The following CSMD1 variants were observed in gnomAD, a reference collection of about 807,000 sequenced individuals.
CSMD1 encodes CUB and Sushi multiple domains 1.
Under a neutral mutation model 417.5 loss-of-function variants are expected in CSMD1, and 213 were observed. That is an observed-to-expected ratio of 0.51 (90% CI 0.46 to 0.57). The LOEUF (loss-of-function observed/expected upper bound fraction) is 0.57. Ranked by LOEUF, CSMD1 falls within the 20% of genes least tolerant of loss-of-function variation. The probability of loss-of-function intolerance (pLI) is 0.00; values close to 1 mark genes in which losing one functional copy is unlikely to be tolerated. For synonymous variants in CSMD1, 2,862 were observed against 1,736.8 expected (o/e 1.65, Z -16.11); for missense variants, 6,923 against 4,529.7 (o/e 1.53, Z -15.17).
chr8:3,418,633 A>T (rs954091777), intron 12 of CSMD1, among the ~76,000 whole-genome samples: 1 of 152,160 alleles, frequency 6.6e-6, no homozygotes, highest in African/African-American at 2.4e-5. Context: ...TCTGTCTGCC[A>T]TAACCTGCAA....
chr8:4,492,747 C>A (rs951373549), intron 2 of CSMD1, among the ~76,000 whole-genome samples: 1 of 152,096 alleles, frequency 6.6e-6, no homozygotes, highest in Admixed American at 6.6e-5. Context: ...CAGGTAACAC[C>A]CAAGCAACTC....
intron 42 of CSMD1, among the ~76,000 whole-genome samples, chr8:3,111,787 G>C (rs1183037155): frequency 6.6e-6 from 1 of 152,026 alleles, no homozygotes; most frequent in Non-Finnish European, 1.5e-5. Context: ...AGCCGAGATT[G>C]TGCCATTGCA....
At chr8:3,754,723 T>C (rs997231753) in intron 5 of CSMD1, among the ~76,000 whole-genome samples, 19 of 152,138 alleles carry the variant, frequency 1.2e-4, no homozygotes, top group African/African-American at 4.6e-4. Context: ...CCAAAGTGCT[T>C]GGATTACAAG....
intron 69 of CSMD1, 76 bp from the exon 70 acceptor site, chr8:2,938,820 GACA>G: frequency 7.5e-7 from 1 of 1,339,072 alleles, no homozygotes; most frequent in Non-Finnish European, 1.0e-6. Flanking sequence ...GTGTGCAGGA[GACA>G]ACGTCTACAG....
At chr8:4,939,930 G>C (rs1343638936) in intron 1 of CSMD1, among the ~76,000 whole-genome samples, 2 of 152,020 alleles carry the variant, frequency 1.3e-5, no homozygotes, top group Non-Finnish European at 2.9e-5. Flanking sequence ...ATTTTGATTT[G>C]TCAATTAAAA....
intron 5 of CSMD1, among the ~76,000 whole-genome samples, chr8:3,891,637 C>G (rs148475833): frequency 1.5e-4 from 23 of 151,846 alleles, no homozygotes; most frequent in Non-Finnish European, 3.1e-4. Context: ...GAGCTGTGAT[C>G]ACACCACTGC....
intron 5 of CSMD1, among the ~76,000 whole-genome samples, chr8:3,937,439 T>C (rs989424130): frequency 1.3e-5 from 2 of 152,182 alleles, no homozygotes; most frequent in Non-Finnish European, 2.9e-5. Context: ...ACTACCACCC[T>C]GATCACTGAT....
intron 3 of CSMD1, among the ~76,000 whole-genome samples, chr8:4,113,948 C>T (rs1323630207): frequency 6.6e-6 from 1 of 152,180 alleles, no homozygotes; most frequent in Non-Finnish European, 1.5e-5. Context: ...AGAAAAGAAG[C>T]CATCTCCATA....
At chr8:4,830,605 T>A (rs558037252) in intron 1 of CSMD1, among the ~76,000 whole-genome samples, 8 of 152,310 alleles carry the variant, frequency 5.3e-5, no homozygotes, top group Admixed American at 2.6e-4. Context: ...CATAGATACA[T>A]AGAACAAACT....
chr8:4,780,051 C>T (rs1585086381), intron 1 of CSMD1, among the ~76,000 whole-genome samples: 1 of 152,158 alleles, frequency 6.6e-6, no homozygotes, highest in Non-Finnish European at 1.5e-5. Flanking sequence ...TTCTGAGACC[C>T]TCATGGGGCA....
intron 5 of CSMD1, among the ~76,000 whole-genome samples, chr8:3,965,222 G>T (rs981300613): frequency 4.6e-5 from 7 of 152,216 alleles, no homozygotes; most frequent in African/African-American, 1.4e-4. Flanking sequence ...GGCTGAACTT[G>T]AACAGAGACG....
intron 3 of CSMD1, among the ~76,000 whole-genome samples, chr8:4,073,002 T>C (rs1475435562): frequency 6.6e-6 from 1 of 152,198 alleles, no homozygotes; most frequent in Non-Finnish European, 1.5e-5. Flanking sequence ...CAATATACTC[T>C]ATATGTAAGG....
intron 1 of CSMD1, among the ~76,000 whole-genome samples, chr8:4,851,396 TTTTG>T (rs1171971269): frequency 6.6e-6 from 1 of 152,080 alleles, no homozygotes; most frequent in Non-Finnish European, 1.5e-5. Flanking sequence ...GCTTTTCCTT[TTTTG>T]TTTTTTTCCT....
At chr8:3,355,222 G>A (rs544450425) in intron 21 of CSMD1, among the ~76,000 whole-genome samples, 9 of 151,556 alleles carry the variant, frequency 5.9e-5, no homozygotes, top group South Asian at 2.1e-4. Flanking sequence ...TACTAGATAC[G>A]GATTTAAGGC....
At chr8:3,284,047 G>C (rs372923249) in intron 26 of CSMD1, 97 bp downstream of exon 26, 2 of 1,017,346 alleles carry the variant, frequency 2.0e-6, no homozygotes, top group Non-Finnish European at 3.0e-6. Context: ...AATTGCATCT[G>C]TGTAAGGAGA....
intron 5 of CSMD1, among the ~76,000 whole-genome samples, chr8:3,838,970 T>C (rs1475107342): frequency 1.0e-5 from 1 of 98,688 alleles, no homozygotes; most frequent in South Asian, 2.8e-4. Context: ...ATTAATATTA[T>C]ATATAATATA....
At chr8:3,762,724 G>T (rs759291505) in intron 5 of CSMD1, among the ~76,000 whole-genome samples, 3 of 152,222 alleles carry the variant, frequency 2.0e-5, no homozygotes, top group Admixed American at 6.5e-5. Flanking sequence ...AAGATGGTCG[G>T]GGGGAGCCAG....
rs1027994508 is a variant in CSMD1, at chr8:3,929,991, A to C, written c.818+67912T>G. On this transcript the variant is annotated intron_variant, in intron 5 of 69. Coordinates refer to ENST00000635120, the MANE Select transcript of CSMD1 (RefSeq NM_033225.6). ...CTATATGATTAAATTTTTAAAAACT[A>C]TTTTATTGTTAATGCAAGGTTTTCT... Among the ~76,000 whole-genome samples the C allele has an allele frequency of 1.9e-4, 29 of 150,312 alleles. 1 individual carries two copies. The highest frequency in any genetic ancestry group is 2.8e-4 in the Non-Finnish European group (19 of 67,506).
rs1043920489 is a variant in CSMD1, at chr8:4,875,485, T to C, written c.85+118847A>G. On this transcript the variant is annotated intron_variant, in intron 1 of 69. Transcript: ENST00000635120. ...TTTACATGTTTGGATGCAAAGCGTC[T>C]CACTTGAGCAACTCCATGAGATGAA... Among the ~76,000 whole-genome samples, 3 of 152,030 alleles carry C rather than the reference T, an allele frequency of 2.0e-5. No individual in the cohort carries two copies. The East Asian group carries it at 5.8e-4, about 29-fold the overall frequency.
Sources: allele counts gnomAD v4.1 joint callset (sites outside exome capture counted in the v4.1 genomes callset), GRCh38; gene constraint gnomAD v4.1.1; transcripts MANE v1.5; gene names NCBI Gene and HGNC (gene_info 2026-07-23, HGNC 2026-07-21).